Variants in PPARG observed in about 807,000 individuals in gnomAD.
The protein encoded by PPARG is peroxisome proliferator-activated receptor gamma.
PPARG carries 17 observed loss-of-function variants against 39.2 expected under a neutral mutation model. The observed-to-expected ratio is 0.43, with a 90% confidence interval of 0.30 to 0.65. The LOEUF (loss-of-function observed/expected upper bound fraction) is 0.65. PPARG is among the 30% of genes least tolerant of loss of function. The pLI is 0.13. For synonymous variants in PPARG, 223 were observed against 215.7 expected, an observed-to-expected ratio of 1.03 and a Z score of -0.30; for missense variants, 406 against 585.9, an observed-to-expected ratio of 0.69 and a Z score of 3.17.
At chr3:12,288,316 G>A (rs1413827475), upstream of PPARG, among the ~76,000 whole-genome samples, 1 of 151,860 alleles carries the variant, frequency 6.6e-6, no homozygotes, top group African/African-American at 2.4e-5. Flanking sequence ...TGAGGGTCGC[G>A]TCTACCGGAG....
intron 4 of PPARG, among the ~76,000 whole-genome samples, chr3:12,392,260 G>A (rs886412788): frequency 6.6e-6 from 1 of 152,194 alleles, no homozygotes; most frequent in Non-Finnish European, 1.5e-5. Context: ...GGAATGATTT[G>A]CAGAGAGACT....
At chr3:12,317,095 A>G (rs538262218) in intron 2 of PPARG, among the ~76,000 whole-genome samples, 7 of 152,274 alleles carry the variant, frequency 4.6e-5, no homozygotes, top group African/African-American at 1.2e-4. Context: ...CATTTTCTGT[A>G]TGTGCTCACA....
At chr3:12,312,808 G>C (rs182611910) in intron 2 of PPARG, among the ~76,000 whole-genome samples, 42 of 152,234 alleles carry the variant, frequency 2.8e-4, no homozygotes, top group Admixed American at 5.2e-4. Flanking sequence ...TAAAAATTAA[G>C]ATTTCTTTCA....
At chr3:12,318,817 G>A (rs1054640788) in intron 2 of PPARG, among the ~76,000 whole-genome samples, 1 of 151,648 alleles carries the variant, frequency 6.6e-6, no homozygotes, top group Non-Finnish European at 1.5e-5. Flanking sequence ...AGTTCCATGG[G>A]GCAAAAGGAA....
At chr3:12,402,768 G>A (rs375206374) in intron 5 of PPARG, among the ~76,000 whole-genome samples, 4 of 151,964 alleles carry the variant, frequency 2.6e-5, no homozygotes, top group African/African-American at 7.3e-5. Flanking sequence ...CCTACCCTCC[G>A]CACTCCTCAA....
chr3:12,329,298 T>A (rs2125043118), intron 2 of PPARG, among the ~76,000 whole-genome samples: 1 of 152,338 alleles, frequency 6.6e-6, no homozygotes, highest in East Asian at 1.9e-4. Context: ...TCAGAATATT[T>A]TGATTTGTAG....
intron 2 of PPARG, among the ~76,000 whole-genome samples, chr3:12,348,292 A>C (rs181070698): frequency 1.3e-5 from 2 of 152,324 alleles, no homozygotes; most frequent in East Asian, 3.9e-4. Context: ...TTGTTATTGA[A>C]TCATTCACAG....
chr3:12,370,672 A>G (rs977582096), intron 2 of PPARG, among the ~76,000 whole-genome samples: 1 of 152,230 alleles, frequency 6.6e-6, no homozygotes, highest in Admixed American at 6.5e-5. Context: ...TCTCGTGAAC[A>G]TTAGCCTGTT....
rs1372988690 is a variant in PPARG, at chr3:12,371,581, C to G, written c.-8-8123C>G. Among the ~76,000 whole-genome samples, 10 of 152,146 alleles carry G rather than the reference C, an allele frequency of 6.6e-5. No individual in the cohort carries two copies. The East Asian group carries it at 1.5e-3, about 23-fold the overall frequency. On this transcript the variant is annotated intron_variant, in intron 2 of 7. Coordinates refer to ENST00000651735, the MANE Select transcript of PPARG (RefSeq NM_138711.6). Reference sequence around the variant, plus strand: ...ACTTTTTCCCTCATAAATTTGATGACATTCATATACATTCACTAAAGACCC... The same window carrying G: ...ACTTTTTCCCTCATAAATTTGATGAGATTCATATACATTCACTAAAGACCC...
chr3:12,381,618 C>T (rs754336834), intron 4 of PPARG, 127 bp downstream of exon 4: 51 of 989,160 alleles, frequency 5.2e-5, no homozygotes, highest in Non-Finnish European at 7.5e-5. Flanking sequence ...TGCTCTGTCA[C>T]CCAGACCAGA....
intron 1 of PPARG, among the ~76,000 whole-genome samples, chr3:12,292,098 T>G (rs868129550): frequency 1.2e-4 from 19 of 152,346 alleles, no homozygotes; most frequent in African/African-American, 4.3e-4. Context: ...TTGTTAAGAT[T>G]GAAGATGATG....
chr3:12,311,243 A>G (rs1298448652), intron 1 of PPARG, among the ~76,000 whole-genome samples: 8 of 152,190 alleles, frequency 5.3e-5, no homozygotes, highest in African/African-American at 1.9e-4. Context: ...AGCTGGGACT[A>G]CAGGCACATG....
chr3:12,390,000 G>C (rs1191275351), intron 4 of PPARG, among the ~76,000 whole-genome samples: 1 of 152,150 alleles, frequency 6.6e-6, no homozygotes, highest in African/African-American at 2.4e-5. Context: ...AGCCAGAGAA[G>C]ATATTTGAAC....
intron 4 of PPARG, among the ~76,000 whole-genome samples, chr3:12,390,234 C>A (rs1162404000): frequency 6.6e-6 from 1 of 152,096 alleles, no homozygotes; most frequent in Non-Finnish European, 1.5e-5. Context: ...GGGGAGTGTA[C>A]ATTGGTAGCC....
intron 2 of PPARG, among the ~76,000 whole-genome samples, chr3:12,330,150 A>G (rs940472800): frequency 1.7e-4 from 26 of 152,148 alleles, no homozygotes; most frequent in Admixed American, 5.9e-4. Context: ...TTTTGGGTAT[A>G]TACCCAGGAG....
At chr3:12,353,502 G>A (rs143070640) in intron 2 of PPARG, among the ~76,000 whole-genome samples, 277 of 152,294 alleles carry the variant, frequency 1.8e-3, no homozygotes, top group African/African-American at 6.3e-3. Flanking sequence ...TGGAGTTGAG[G>A]TATTTGGCAT....
chr3:12,346,689 C>A (rs1416639370), intron 2 of PPARG, among the ~76,000 whole-genome samples: 1 of 151,828 alleles, frequency 6.6e-6, no homozygotes, highest in African/African-American at 2.4e-5. Context: ...GGCTAGAGTG[C>A]AGTGATGCGA....
intron 2 of PPARG, among the ~76,000 whole-genome samples, chr3:12,363,451 C>G (rs1427646164): frequency 6.6e-6 from 1 of 151,882 alleles, no homozygotes; most frequent in Non-Finnish European, 1.5e-5. Context: ...GTGCTTGACA[C>G]AGTAAGTTGA....
intron 2 of PPARG, among the ~76,000 whole-genome samples, chr3:12,334,989 A>T (rs1172274032): frequency 6.6e-6 from 1 of 152,252 alleles, no homozygotes; most frequent in African/African-American, 2.4e-5. Flanking sequence ...GTGATGAGTC[A>T]CAAGGCCCAT....
Sources: gnomAD v4.1 joint callset for allele counts (sites outside exome capture counted in the v4.1 genomes callset) on GRCh38, gnomAD v4.1.1 for gene constraint, MANE v1.5 for transcripts, NCBI Gene and HGNC (gene_info 2026-07-23, HGNC 2026-07-21) for gene names.